CRYBG3: variants seen among roughly 807,000 people sequenced by gnomAD.
The protein encoded by CRYBG3 is crystallin beta-gamma domain containing 3.
CRYBG3 carries 127 observed loss-of-function variants against 244.2 expected under a neutral mutation model. That is an observed-to-expected ratio of 0.52 (90% CI 0.45 to 0.60). CRYBG3 has a LOEUF of 0.60. CRYBG3 is among the 20% of genes least tolerant of loss of function. The probability of loss-of-function intolerance (pLI) is 0.00; values close to 1 mark genes in which losing one functional copy is unlikely to be tolerated. For synonymous variants in CRYBG3, 1,132 were observed against 1,195.8 expected (o/e 0.95, Z 1.10); for missense variants, 3,325 against 3,442.5 (o/e 0.97, Z 0.85).
At chr3:97,857,690 C>T (rs1408337308) in intron 2 of CRYBG3, among the ~76,000 whole-genome samples, 5 of 151,864 alleles carry the variant, frequency 3.3e-5, no homozygotes, top group Non-Finnish European at 7.4e-5. Flanking sequence ...CATCCATTTA[C>T]TTTCATTCTG....
intron 3 of CRYBG3, among the ~76,000 whole-genome samples, chr3:97,870,503 A>G (rs944493152): frequency 7.9e-5 from 12 of 152,140 alleles, no homozygotes; most frequent in Non-Finnish European, 1.8e-4. Flanking sequence ...ATTCAATGGC[A>G]TATATGTACC....
At chr3:97,865,129 A>G (rs1279289361) in intron 3 of CRYBG3, among the ~76,000 whole-genome samples, 1 of 152,166 alleles carries the variant, frequency 6.6e-6, no homozygotes, top group Non-Finnish European at 1.5e-5. Flanking sequence ...TTGAAGGAGC[A>G]TTTTACCACC....
chr3:97,930,545 A>G (rs1431722089), intron 17 of CRYBG3, among the ~76,000 whole-genome samples: 2 of 151,998 alleles, frequency 1.3e-5, no homozygotes, highest in Non-Finnish European at 2.9e-5. Context: ...GTGTCTACTG[A>G]GGGAAAATCA....
chr3:97,823,610 A>G (rs1384372370), intron 1 of CRYBG3, among the ~76,000 whole-genome samples: 1 of 152,228 alleles, frequency 6.6e-6, no homozygotes, highest in Non-Finnish European at 1.5e-5. Flanking sequence ...AGAAGTTAAA[A>G]ATAGTTTTTA....
At chr3:97,893,048 C>T (rs536604747) in intron 11 of CRYBG3, 55 bp downstream of exon 11, 1 of 1,469,034 alleles carries the variant, frequency 6.8e-7, no homozygotes, top group South Asian at 1.3e-5. Flanking sequence ...AAGGTCAGCA[C>T]AAAAATGTGC....
chr3:97,835,724 GA>G (rs2038723735), intron 1 of CRYBG3, among the ~76,000 whole-genome samples: 1 of 152,120 alleles, frequency 6.6e-6, no homozygotes, highest in African/African-American at 2.4e-5. Flanking sequence ...AGTTGGGGGG[GA>G]GGTCAGCCAA....
chr3:97,865,727 A>G (rs1054690324), intron 3 of CRYBG3, among the ~76,000 whole-genome samples: 1 of 152,208 alleles, frequency 6.6e-6, no homozygotes, highest in African/African-American at 2.4e-5. Context: ...TGATGGCATT[A>G]TGTGTTCCTC....
In CRYBG3 at chr3:97,876,874, A is replaced by G; in HGVS notation, c.5680A>G (p.Lys1894Glu). ...GEAMLPAFES[K>E]TPQEYAEGSV... ...GGCCATGCTTCCTGCATTTGAAAGT[A>G]AAACACCACAAGAGTATGCTGAAGG... The change falls in exon 4 of 22, where the codon AAA becomes GAA. Residue 1894 changes from lysine (K) to glutamate (E), a missense_variant. Physicochemically the swap from Lys to Glu is moderately conservative, Grantham distance 56 (BLOSUM62 1). Coordinates refer to ENST00000389622, the MANE Select transcript of CRYBG3 (RefSeq NM_153605.4). 7.2e-7 allele frequency: 1 copy of G among 1,388,098 alleles called. No individual in the cohort carries two copies. Among genetic ancestry groups the G allele is most frequent in the Non-Finnish European group, 9.3e-7 (1 of 1,071,410 alleles). 86.0% of individuals were successfully genotyped at this position (1,388,098 alleles called of 1,614,324 possible).
intron 2 of CRYBG3, among the ~76,000 whole-genome samples, chr3:97,858,683 CTTG>C (rs1167770388): frequency 4.6e-5 from 7 of 152,004 alleles, no homozygotes; most frequent in African/African-American, 1.7e-4. Context: ...TGACACCTAT[CTTG>C]TTGACTTTAT....
In CRYBG3 at chr3:97,933,842, G is replaced by C; in HGVS notation, c.8381+9G>C. Reference sequence around the variant, plus strand: ...TGGGTAAAAAGTGGACTGTAAGTATGGGAAAAAGGCTTGGTCTGGTTCAGT... The same window carrying C: ...TGGGTAAAAAGTGGACTGTAAGTATCGGAAAAAGGCTTGGTCTGGTTCAGT... On this transcript the variant is annotated intron_variant, in intron 18 of 21. Transcript: ENST00000389622. 6.2e-7 allele frequency: 1 copy of C among 1,609,094 alleles called. No homozygotes were observed. The highest frequency in any genetic ancestry group is 8.5e-7 in the Non-Finnish European group (1 of 1,177,432).
intron 17 of CRYBG3, among the ~76,000 whole-genome samples, chr3:97,924,960 T>C (rs985021351): frequency 6.6e-6 from 1 of 152,040 alleles, no homozygotes; most frequent in Admixed American, 6.6e-5. Flanking sequence ...AGAATATATT[T>C]GCAGTCCATA....
intron 2 of CRYBG3, among the ~76,000 whole-genome samples, chr3:97,851,388 T>G (rs1048741418): frequency 6.6e-6 from 1 of 152,154 alleles, no homozygotes; most frequent in Admixed American, 6.6e-5. Context: ...TCAGTAATAA[T>G]CCTAGTCATG....
chr3:97,943,189 G>T, intron 21 of CRYBG3, 37 bp from the exon 22 acceptor site: 1 of 1,258,022 alleles, frequency 7.9e-7, no homozygotes, highest in South Asian at 1.2e-5. Context: ...GCACCTGCCT[G>T]AACAAATAAT....
intron 2 of CRYBG3, among the ~76,000 whole-genome samples, chr3:97,850,756 T>C (rs1218329303): frequency 6.6e-6 from 1 of 152,198 alleles, no homozygotes; most frequent in East Asian, 1.9e-4. Context: ...AATCCATTTA[T>C]TGAAAAATAA....
At chr3:97,866,059 G>A (rs530983202) in intron 3 of CRYBG3, among the ~76,000 whole-genome samples, 36 of 152,224 alleles carry the variant, frequency 2.4e-4, no homozygotes, top group African/African-American at 7.9e-4. Flanking sequence ...AATAAAAGAA[G>A]TCTAATCTGT....
intron 17 of CRYBG3, among the ~76,000 whole-genome samples, chr3:97,923,674 G>A (rs2040009104): frequency 6.6e-6 from 1 of 152,002 alleles, no homozygotes; most frequent in Non-Finnish European, 1.5e-5. Context: ...TAGGGCTAAA[G>A]CACATTTTTA....
At chr3:97,824,490 G>A (rs898638783) in intron 1 of CRYBG3, among the ~76,000 whole-genome samples, 8 of 152,102 alleles carry the variant, frequency 5.3e-5, no homozygotes, top group African/African-American at 1.2e-4. Context: ...CACAAAATGC[G>A]TACTGGGACA....
chr3:97,930,245 T>A (rs994475702), intron 17 of CRYBG3, among the ~76,000 whole-genome samples: 1 of 152,060 alleles, frequency 6.6e-6, no homozygotes, highest in Non-Finnish European at 1.5e-5. Flanking sequence ...CTGGCCAGGC[T>A]CCTTGCCATC....
intron 3 of CRYBG3, among the ~76,000 whole-genome samples, chr3:97,871,026 G>A (rs1284773310): frequency 6.6e-6 from 1 of 152,136 alleles, no homozygotes; most frequent in African/African-American, 2.4e-5. Flanking sequence ...GTTTCCTTCT[G>A]ATGCTGGCAT....
Sources: allele counts gnomAD v4.1 joint callset (sites outside exome capture counted in the v4.1 genomes callset), GRCh38; gene constraint gnomAD v4.1.1; transcripts MANE v1.5; gene names NCBI Gene and HGNC (gene_info 2026-07-23, HGNC 2026-07-21).